Variants in SLC41A1 observed in about 807,000 individuals in gnomAD.
SLC41A1 encodes solute carrier family 41 (magnesium transporter), member 1.
A neutral mutation model predicts 47.3 loss-of-function variants in SLC41A1; 20 were observed. The ratio of observed to expected loss-of-function variants is 0.42; its 90% CI spans 0.30 to 0.61. SLC41A1 has a LOEUF of 0.61. Ranked by LOEUF, SLC41A1 falls within the 20% of genes least tolerant of loss-of-function variation. SLC41A1 has a pLI of 0.17. For synonymous variants in SLC41A1, 282 were observed against 272.7 expected, an observed-to-expected ratio of 1.03 and a Z score of -0.34; for missense variants, 504 against 674.1, an observed-to-expected ratio of 0.75 and a Z score of 2.79.
Position 205,791,566 on chromosome 1 carries a change from G to A in SLC41A1, c.1509C>T (p.Leu503=), listed in dbSNP as rs1424112595. Residue 503 remains leucine, a synonymous_variant, in exon 11 of 11, where the codon CTC becomes CTT. Transcript: ENST00000367137. This position sits in a 1 kb window ranked among gnomAD's most constrained non-coding sequence, Gnocchi z 4.0. ...CGACATCCGTGTCTCGGTCCCCTAT[G>A]AGCCAGAGAACATGGAAGCTGAGTG... ...LLALSFHVLW[L]IGDRDTDVGD 2 of 1,614,050 alleles carry A rather than the reference G, an allele frequency of 1.2e-6. No individual in the cohort carries two copies. The highest frequency in any genetic ancestry group is 1.3e-5 in the African/African-American group (1 of 74,910).
intron 2 of SLC41A1, among the ~76,000 whole-genome samples, chr1:205,802,255 A>G (rs1352095580): frequency 1.3e-5 from 2 of 152,152 alleles, no homozygotes; most frequent in Admixed American, 6.6e-5. Flanking sequence ...CTCCTACAGG[A>G]GACAGCAGGG....
chr1:205,794,000 A>G (rs1039218956), intron 10 of SLC41A1, among the ~76,000 whole-genome samples: 1 of 152,236 alleles, frequency 6.6e-6, no homozygotes, highest in African/African-American at 2.4e-5. Flanking sequence ...ATAAAAATTT[A>G]AAATGTAATA....
chr1:205,805,153 C>T lies in SLC41A1; in HGVS notation c.373-4093G>A, dbSNP rs181214783. Among the ~76,000 whole-genome samples the T allele has an allele frequency of 3.5e-4, 54 of 152,204 alleles. 2 individuals are homozygous for T. The highest frequency in any genetic ancestry group is 2.1e-3 in the Admixed American group (32 of 15,292). ...AACAGCCCCTATGCAAAAGTCTTCC[C>T]GACTCTTACAGAATATAGCCTGGAA... On this transcript the variant is annotated intron_variant, in intron 2 of 10. Transcript: ENST00000367137.
chr1:205,797,455 T>C (rs1023558077), intron 7 of SLC41A1, among the ~76,000 whole-genome samples: 3 of 152,172 alleles, frequency 2.0e-5, no homozygotes, highest in Admixed American at 2.0e-4. Flanking sequence ...AATCAGAGGA[T>C]TGCAGCCCCA....
intron 2 of SLC41A1, among the ~76,000 whole-genome samples, chr1:205,802,820 A>G (rs1655921576): frequency 6.6e-6 from 1 of 152,088 alleles, no homozygotes; most frequent in South Asian, 2.1e-4. Flanking sequence ...ATCACCTCAC[A>G]CTCATTAGGA....
intron 2 of SLC41A1, chr1:205,801,421 C>G (rs904424187): frequency 9.1e-6 from 3 of 331,332 alleles, no homozygotes; most frequent in African/African-American, 6.4e-5. Context: ...TTGCAATCCC[C>G]CCTCAAATTG....
intron 9 of SLC41A1, among the ~76,000 whole-genome samples, 157 bp from the exon 10 acceptor site, chr1:205,795,175 TC>T (rs1655716125): frequency 6.6e-6 from 1 of 152,078 alleles, no homozygotes; most frequent in Non-Finnish European, 1.5e-5. Context: ...CCTAGGGTGC[TC>T]CAGGAAAAGA....
At position 205,810,554 on chromosome 1, in the gene SLC41A1, G is replaced by A. The variant is rs1571653484; in HGVS notation, c.-113C>T. ...TGGGGTGAACCCAGGCTTGGGCGCC[G>A]CAGGACCTCTTCCCACGGCTCTCCA... On this transcript the variant is annotated 5_prime_UTR_variant, in exon 2 of 11. Transcript: ENST00000367137. This position sits in a 1 kb window ranked among gnomAD's most constrained non-coding sequence, Gnocchi z 5.5. 4.5e-6 allele frequency: 7 copies of A among 1,543,652 alleles called. No individual in the cohort carries two copies. Among genetic ancestry groups the A allele is most frequent in the East Asian group, 4.5e-5 (2 of 44,472 alleles).
At chr1:205,797,643 T>C (rs1655780026) in intron 7 of SLC41A1, among the ~76,000 whole-genome samples, 1 of 151,886 alleles carries the variant, frequency 6.6e-6, no homozygotes, top group South Asian at 2.1e-4. Flanking sequence ...GAGCTAAGAG[T>C]CACAGAGTAC....
intron 2 of SLC41A1, among the ~76,000 whole-genome samples, chr1:205,803,684 C>CTGGA (rs2102507607): frequency 6.9e-6 from 1 of 144,742 alleles, no homozygotes; most frequent in South Asian, 2.2e-4. Flanking sequence ...GTGGCCCAGG[C>CTGGA]TGGAGTGCAG....
intron 10 of SLC41A1, among the ~76,000 whole-genome samples, chr1:205,792,937 CTCTTT>C (rs1655657871): frequency 6.7e-6 from 1 of 149,982 alleles, no homozygotes; most frequent in Non-Finnish European, 1.5e-5. Context: ...CCTGTCCTCT[CTCTTT>C]TTTTTTTTTT....
intron 2 of SLC41A1, among the ~76,000 whole-genome samples, chr1:205,806,379 G>A (rs1300096224): frequency 6.6e-6 from 1 of 152,206 alleles, no homozygotes; most frequent in East Asian, 1.9e-4. Flanking sequence ...GTAGACTTCT[G>A]TATACACAGC....
intron 10 of SLC41A1, among the ~76,000 whole-genome samples, chr1:205,792,838 C>T (rs529927404): frequency 6.6e-6 from 1 of 152,132 alleles, no homozygotes; most frequent in Non-Finnish European, 1.5e-5. Flanking sequence ...GAAAATTCTG[C>T]CCTAAGGGAT....
rs1656131533 is a variant in SLC41A1, at chr1:205,810,723, C to T, written c.-282G>A. On this transcript the variant is annotated 5_prime_UTR_variant, in exon 2 of 11. Coordinates refer to ENST00000367137, the MANE Select transcript of SLC41A1 (RefSeq NM_173854.6). The surrounding 1 kb of genome is among the most constrained non-coding windows in gnomAD (Gnocchi z 5.5). ...CTGACTCCAACCCACCAGCTCTGTG[C>T]TTGAAGAAAAAGTATCTGTCCTCTT... 2 of 507,566 alleles carry T rather than the reference C, an allele frequency of 3.9e-6. No homozygotes were observed. Among genetic ancestry groups the T allele is most frequent in the African/African-American group, 3.8e-5 (2 of 52,020 alleles). The allele number at this position is 507,566 out of a possible 1,614,324, so 31.4% of individuals were successfully genotyped here.
At chr1:205,804,750 G>C (rs746347083) in intron 2 of SLC41A1, among the ~76,000 whole-genome samples, 1 of 152,020 alleles carries the variant, frequency 6.6e-6, no homozygotes, top group Non-Finnish European at 1.5e-5. Context: ...CACAGCCTCA[G>C]AGCTCATCTT....
chr1:205,792,130 G>T (rs897179203), intron 10 of SLC41A1, among the ~76,000 whole-genome samples: 2 of 152,150 alleles, frequency 1.3e-5, no homozygotes. Context: ...CATGGCAGGG[G>T]GCTGGCTGCT....
At chr1:205,800,872 C>T in intron 3 of SLC41A1, 81 bp downstream of exon 3, 1 of 1,318,478 alleles carries the variant, frequency 7.6e-7, no homozygotes, top group Non-Finnish European at 1.1e-6. Flanking sequence ...TGGAGAAGGG[C>T]TCGTAGCCCT....
At chr1:205,799,681 T>G in intron 4 of SLC41A1, 78 bp downstream of exon 4, 1 of 1,488,926 alleles carries the variant, frequency 6.7e-7, no homozygotes, top group Non-Finnish European at 9.3e-7. Flanking sequence ...AGGAGCCTGC[T>G]GGGGCTGACC....
intron 2 of SLC41A1, among the ~76,000 whole-genome samples, chr1:205,809,494 C>T (rs953170231): frequency 5.9e-5 from 9 of 152,228 alleles, no homozygotes; most frequent in Non-Finnish European, 1.3e-4. Context: ...AATCATGCAT[C>T]AGACAGCAAG....
Sources: gnomAD v4.1 joint callset for allele counts (sites outside exome capture counted in the v4.1 genomes callset) on GRCh38, gnomAD v4.1.1 for gene constraint, Gnocchi (gnomAD v3.1) non-coding constraint, MANE v1.5 for transcripts, NCBI Gene and HGNC (gene_info 2026-07-23, HGNC 2026-07-21) for gene names.